Variants in IGSF21 observed in about 807,000 individuals in gnomAD.
IGSF21 encodes the protein immunoglobin superfamily member 21.
A neutral mutation model predicts 46.8 loss-of-function variants in IGSF21; 28 were observed. The observed-to-expected ratio is 0.60, with a 90% confidence interval of 0.44 to 0.82. The LOEUF (loss-of-function observed/expected upper bound fraction) is 0.82. IGSF21 is among the 40% of genes least tolerant of loss of function. IGSF21 has a pLI of 0.00. For missense variants in IGSF21, 624 were observed against 665.5 expected (o/e 0.94, Z 0.69); for synonymous variants, 284 against 273.6 (o/e 1.04, Z -0.38).
At chr1:18,282,511 TG>T (rs1468629345) in intron 2 of IGSF21, among the ~76,000 whole-genome samples, 2 of 151,942 alleles carry the variant, frequency 1.3e-5, no homozygotes, top group African/African-American at 4.8e-5. Flanking sequence ...TGATAGAGTT[TG>T]GGGGGCTCAG....
intron 1 of IGSF21, among the ~76,000 whole-genome samples, chr1:18,164,798 A>G (rs1055176702): frequency 3.3e-5 from 5 of 151,860 alleles, no homozygotes; most frequent in African/African-American, 1.2e-4. Context: ...GGTTTGTTAC[A>G]TATGTATACA....
chr1:18,177,688 A>G (rs2086816223), intron 1 of IGSF21, among the ~76,000 whole-genome samples: 1 of 151,962 alleles, frequency 6.6e-6, no homozygotes, highest in African/African-American at 2.4e-5. Flanking sequence ...CCCTCTCTCC[A>G]CTTGAACAAG....
intron 3 of IGSF21, among the ~76,000 whole-genome samples, chr1:18,302,316 A>G (rs1387922552): frequency 6.6e-6 from 1 of 151,348 alleles, no homozygotes; most frequent in Non-Finnish European, 1.5e-5. Flanking sequence ...CCACCTGTCC[A>G]CTCGCATGTC....
intron 1 of IGSF21, among the ~76,000 whole-genome samples, chr1:18,224,349 A>G (rs969955559): frequency 1.3e-4 from 20 of 152,098 alleles, no homozygotes; most frequent in Non-Finnish European, 2.8e-4. Context: ...TCTGCCTGGA[A>G]TGCTCTCTCC....
chr1:18,281,994 C>G (rs1557623250), intron 2 of IGSF21, among the ~76,000 whole-genome samples: 1 of 152,180 alleles, frequency 6.6e-6, no homozygotes, highest in African/African-American at 2.4e-5. Context: ...CTCTGTGACC[C>G]TGGGCATGCC....
chr1:18,219,759 G>A (rs550931555), intron 1 of IGSF21, among the ~76,000 whole-genome samples: 2 of 152,270 alleles, frequency 1.3e-5, no homozygotes, highest in South Asian at 4.1e-4. Context: ...ATCAGGCAGT[G>A]ATGGACTGCC....
rs141743259 is a variant in IGSF21, at chr1:18,121,427, G to T, written c.70+13229G>T. 3.2e-3 allele frequency among the ~76,000 whole-genome samples: 488 copies of T among 151,678 alleles called. 4 individuals are homozygous for T. The highest frequency in any genetic ancestry group is 0.011 in the African/African-American group (457 of 41,334). On this transcript the variant is annotated intron_variant, in intron 1 of 9. Coordinates refer to ENST00000251296, the MANE Select transcript of IGSF21 (RefSeq NM_032880.5). ...TTCTCACGATCCTCTATTTCCCTTT[G>T]TCCAGCCCCTTTTCTCATCTACCTG...
chr1:18,127,703 G>C (rs145406908), intron 1 of IGSF21, among the ~76,000 whole-genome samples: 2 of 152,162 alleles, frequency 1.3e-5, no homozygotes, highest in Non-Finnish European at 2.9e-5. Flanking sequence ...AGGAGTTCAA[G>C]ACCAGCCTGG....
At chr1:18,257,529 C>G (rs2084903334) in intron 2 of IGSF21, among the ~76,000 whole-genome samples, 1 of 152,122 alleles carries the variant, frequency 6.6e-6, no homozygotes, top group Non-Finnish European at 1.5e-5. Context: ...GACCGTATGT[C>G]AAGTCATGGC....
chr1:18,207,973 C>T (rs757849517), intron 1 of IGSF21, among the ~76,000 whole-genome samples: 19 of 152,140 alleles, frequency 1.2e-4, no homozygotes, highest in African/African-American at 2.4e-4. Flanking sequence ...AGAAAAAAAA[C>T]GGGTTCAAAA....
intron 1 of IGSF21, among the ~76,000 whole-genome samples, chr1:18,208,376 A>AATATATATATATATATATAT (rs5772795): frequency 4.5e-5 from 1 of 22,034 alleles, no homozygotes; most frequent in African/African-American, 1.8e-4. Flanking sequence ...GTTTAGGAAT[A>AATATATATATATATATATAT]ATATATATAT....
intron 1 of IGSF21, among the ~76,000 whole-genome samples, chr1:18,133,212 A>G (rs9726260): frequency 0.5 from 75,848 of 152,112 alleles, 19,620 homozygotes; most frequent in East Asian, 0.69. Context: ...GGGTGAAGCC[A>G]GGCCTCTGGC....
chr1:18,148,231 C>T (rs935560679), intron 1 of IGSF21, among the ~76,000 whole-genome samples: 4 of 149,024 alleles, frequency 2.7e-5, no homozygotes, highest in Non-Finnish European at 4.4e-5. Context: ...CCTGGGTTCA[C>T]GCCGTTGTCC....
At position 18,377,310 on chromosome 1, in the gene IGSF21, C is replaced by T. The variant is rs192857538; in HGVS notation, c.1295-83C>T. 7.5e-4 allele frequency: 911 copies of T among 1,206,632 alleles called. 5 individuals are homozygous for T. The highest frequency in any genetic ancestry group is 8.4e-5 in the Admixed American group (5 of 59,502). 74.7% of individuals were successfully genotyped at this position (1,206,632 alleles called of 1,614,324 possible). A position where few individuals can be genotyped will look rare whatever the true frequency, so the allele number is the denominator to read the frequency against. On this transcript the variant is annotated intron_variant, in intron 8 of 9. Coordinates refer to ENST00000251296, the MANE Select transcript of IGSF21 (RefSeq NM_032880.5). ...AGACAGTGCGTGTGATACCTCACAGCAGGTGCTGGGTAAAGGGCCATTCCT... is the reference window on the plus strand; with the variant it reads ...AGACAGTGCGTGTGATACCTCACAGTAGGTGCTGGGTAAAGGGCCATTCCT...
chr1:18,172,066 G>A lies in IGSF21; in HGVS notation c.71-55832G>A, dbSNP rs574553648. Among the ~76,000 whole-genome samples, 6 of 152,348 alleles carry A rather than the reference G, an allele frequency of 3.9e-5. No individual in the cohort carries two copies. The South Asian group carries it at 1.2e-3, about 32-fold the overall frequency. On this transcript the variant is annotated intron_variant, in intron 1 of 9. Coordinates refer to ENST00000251296, the MANE Select transcript of IGSF21 (RefSeq NM_032880.5). Reference sequence around the variant, plus strand: ...ACCACAGCAGCCACCTTGCAGCCATGCTTACAGGCTGAGGAGGGCAGGAAA... The same window carrying A: ...ACCACAGCAGCCACCTTGCAGCCATACTTACAGGCTGAGGAGGGCAGGAAA...
intron 2 of IGSF21, among the ~76,000 whole-genome samples, chr1:18,246,827 G>A (rs1333635764): frequency 2.0e-5 from 3 of 152,148 alleles, no homozygotes; most frequent in Non-Finnish European, 2.9e-5. Context: ...CAGGCTCTTG[G>A]CAGACTCTGT....
intron 1 of IGSF21, among the ~76,000 whole-genome samples, chr1:18,191,958 C>T (rs2086961581): frequency 1.3e-5 from 2 of 152,190 alleles, no homozygotes; most frequent in African/African-American, 4.8e-5. Flanking sequence ...ATCTGCCCTC[C>T]TGAGAGTCCA....
chr1:18,307,028 G>A (rs1453669025), intron 3 of IGSF21, among the ~76,000 whole-genome samples: 2 of 152,202 alleles, frequency 1.3e-5, no homozygotes, highest in Non-Finnish European at 2.9e-5. Context: ...CCTCTCAATG[G>A]CAATTTCCTT....
At chr1:18,339,767 C>T (rs375697498) in intron 4 of IGSF21, among the ~76,000 whole-genome samples, 12 of 152,160 alleles carry the variant, frequency 7.9e-5, no homozygotes, top group East Asian at 5.8e-4. Flanking sequence ...ACAACAACAA[C>T]GAATTCCGAT....
Sources: allele counts gnomAD v4.1 joint callset (sites outside exome capture counted in the v4.1 genomes callset), GRCh38; gene constraint gnomAD v4.1.1; transcripts MANE v1.5; gene names NCBI Gene and HGNC (gene_info 2026-07-23, HGNC 2026-07-21).